Variants in MACROD2 observed in about 807,000 individuals in gnomAD.
MACROD2 encodes mono-ADP ribosylhydrolase 2, also known as ADP-ribose glycohydrolase MACROD2.
MACROD2 carries 36 observed loss-of-function variants against 70.4 expected under a neutral mutation model. That is an observed-to-expected ratio of 0.51 (90% CI 0.39 to 0.68). MACROD2 has a LOEUF of 0.68. Among genes scored for constraint, MACROD2 ranks in the 30% least tolerant of loss-of-function variants. The pLI is 0.00. For synonymous variants in MACROD2, 172 were observed against 178.8 expected (o/e 0.96, Z 0.30); for missense variants, 496 against 538.4 (o/e 0.92, Z 0.78).
At chr20:14,451,826 C>T (rs73612355) in intron 3 of MACROD2, among the ~76,000 whole-genome samples, 20,258 of 152,190 alleles carry the variant, frequency 0.13, 1,593 homozygotes, top group East Asian at 0.31. Context: ...CTTTTTAAGA[C>T]TGTCCATTTT....
intron 8 of MACROD2, among the ~76,000 whole-genome samples, chr20:15,681,155 C>T (rs537745112): frequency 6.6e-6 from 1 of 152,286 alleles, no homozygotes; most frequent in East Asian, 1.9e-4. Flanking sequence ...TTGTACTCTA[C>T]GTTTAAAGCT....
In MACROD2 at chr20:14,600,327, C is replaced by CATATATATATATATATATATAT. The variant is rs769273379; in HGVS notation, c.302-84499_302-84498insTATATATATATATATATATATA. Reference sequence around the variant, plus strand: ...GTAAAAAGTATGTAATATGCAGCTACATATATATATATATATACACACACA... The same window carrying CATATATATATATATATATATAT: ...GTAAAAAGTATGTAATATGCAGCTACATATATATATATATATATATATATATATATATATATATACACACACA... On this transcript the variant is annotated intron_variant, in intron 4 of 17. Coordinates refer to ENST00000684519, the MANE Select transcript of MACROD2 (RefSeq NM_001351661.2). Among the ~76,000 whole-genome samples, 362 of 128,222 alleles carry CATATATATATATATATATATAT rather than the reference C, an allele frequency of 2.8e-3. 1 individual carries two copies. The highest frequency in any genetic ancestry group is 0.016 in the South Asian group (52 of 3,270). The allele number at this position is 128,222 out of a possible 152,430, so 84.1% of individuals were successfully genotyped here.
chr20:15,343,292 A>C (rs117825536), intron 6 of MACROD2, among the ~76,000 whole-genome samples: 2,136 of 152,318 alleles, frequency 0.014, 20 homozygotes, highest in Middle Eastern at 0.027. Flanking sequence ...TTTTCTAACC[A>C]AAGGAAACCA....
intron 5 of MACROD2, among the ~76,000 whole-genome samples, chr20:14,767,856 T>C (rs1278075666): frequency 6.6e-6 from 1 of 151,994 alleles, no homozygotes; most frequent in Non-Finnish European, 1.5e-5. Flanking sequence ...TGTTCTATTG[T>C]TCAACTCCCA....
At chr20:14,068,371 C>T (rs1457365101) in intron 2 of MACROD2, among the ~76,000 whole-genome samples, 3 of 151,848 alleles carry the variant, frequency 2.0e-5, no homozygotes, top group Admixed American at 1.3e-4. Context: ...GTAAGCTCAC[C>T]TGAGCAGGAG....
chr20:14,272,167 A>G (rs2082202090), intron 3 of MACROD2, among the ~76,000 whole-genome samples: 1 of 152,186 alleles, frequency 6.6e-6, no homozygotes, highest in African/African-American at 2.4e-5. Context: ...CTCCTCGAGA[A>G]GAGCAACTCC....
intron 3 of MACROD2, among the ~76,000 whole-genome samples, chr20:14,372,651 C>G (rs1270060838): frequency 6.6e-6 from 1 of 152,148 alleles, no homozygotes; most frequent in Non-Finnish European, 1.5e-5. Flanking sequence ...TCTCAGCCTT[C>G]CATCTCCCCA....
intron 5 of MACROD2, among the ~76,000 whole-genome samples, chr20:14,838,118 T>C (rs1600713356): frequency 6.6e-6 from 1 of 152,056 alleles, no homozygotes; most frequent in East Asian, 1.9e-4. Flanking sequence ...AAGGCAAATA[T>C]CTTGTTTGAG....
At chr20:14,215,546 C>G (rs2081614034) in intron 3 of MACROD2, among the ~76,000 whole-genome samples, 1 of 152,084 alleles carries the variant, frequency 6.6e-6, no homozygotes, top group Non-Finnish European at 1.5e-5. Context: ...ATTGCTGGAT[C>G]AAATGGTAGT....
At chr20:15,781,716 C>T (rs555215037) in intron 8 of MACROD2, among the ~76,000 whole-genome samples, 2 of 152,078 alleles carry the variant, frequency 1.3e-5, no homozygotes, top group African/African-American at 4.8e-5. Context: ...TAATTTTCAA[C>T]GTCTGAATTT....
At chr20:14,124,054 C>T (rs1472849760) in intron 3 of MACROD2, among the ~76,000 whole-genome samples, 3 of 151,742 alleles carry the variant, frequency 2.0e-5, no homozygotes, top group African/African-American at 7.3e-5. Context: ...TTCTCTTGAA[C>T]TATGTTTTCT....
chr20:15,190,723 A>AG lies in MACROD2; in HGVS notation c.419-39213dup, dbSNP rs1304256449. Among the ~76,000 whole-genome samples, 3 of 152,146 alleles carry AG rather than the reference A, an allele frequency of 2.0e-5. No homozygotes were observed. In the East Asian group the frequency reaches 5.8e-4, roughly 29 times the overall value. On this transcript the variant is annotated intron_variant, in intron 5 of 17. Transcript: ENST00000684519. ...GCCCAGTCAGCAGGCAAAAGGAGTGAGGGGAAAGGGTGCACAGGAGGCCTT... is the reference window on the plus strand; with the variant it reads ...GCCCAGTCAGCAGGCAAAAGGAGTGAGGGGGAAAGGGTGCACAGGAGGCCTT...
intron 3 of MACROD2, among the ~76,000 whole-genome samples, chr20:14,090,889 C>T (rs1167419289): frequency 6.6e-6 from 1 of 152,164 alleles, no homozygotes; most frequent in Non-Finnish European, 1.5e-5. Context: ...TCTCTTTTCT[C>T]TGCATCCTCA....
In MACROD2 at chr20:15,334,703, T is replaced by C. The variant is rs139566359; in HGVS notation, c.541-96702T>C. On this transcript the variant is annotated intron_variant, in intron 6 of 17. Coordinates refer to ENST00000684519, the MANE Select transcript of MACROD2 (RefSeq NM_001351661.2). ...CACCATGGAAAGTCTCATATATACA[T>C]ATCTATATTTATTTACAAATAGATA... 2.0e-4 allele frequency among the ~76,000 whole-genome samples: 31 copies of C among 151,838 alleles called. 2 individuals carry two copies. The highest frequency in any genetic ancestry group is 6.8e-4 in the African/African-American group (28 of 41,134).
At chr20:14,983,032 G>A (rs2074815839) in intron 5 of MACROD2, among the ~76,000 whole-genome samples, 2 of 152,308 alleles carry the variant, frequency 1.3e-5, no homozygotes, top group South Asian at 4.1e-4. Context: ...CAGACTATGG[G>A]AACCCACCTC....
intron 3 of MACROD2, among the ~76,000 whole-genome samples, chr20:14,170,232 A>G (rs1404222435): frequency 6.6e-6 from 1 of 152,144 alleles, no homozygotes; most frequent in Non-Finnish European, 1.5e-5. Flanking sequence ...TATCAGTTCT[A>G]GGAGCTTTTT....
intron 3 of MACROD2, among the ~76,000 whole-genome samples, chr20:14,145,127 A>G (rs753412041): frequency 1.3e-5 from 2 of 152,192 alleles, no homozygotes; most frequent in Non-Finnish European, 2.9e-5. Context: ...ATGAATTACT[A>G]TATACCTCTA....
chr20:15,046,985 T>C (rs1168493506), intron 5 of MACROD2, among the ~76,000 whole-genome samples: 2 of 152,234 alleles, frequency 1.3e-5, no homozygotes, highest in Non-Finnish European at 2.9e-5. Flanking sequence ...AAGTAGAACA[T>C]ATTTCTTTAT....
chr20:16,035,972 G>A (rs986101177), intron 15 of MACROD2, among the ~76,000 whole-genome samples: 3 of 152,002 alleles, frequency 2.0e-5, no homozygotes, highest in Admixed American at 6.6e-5. Flanking sequence ...CATCAAGAGA[G>A]AGTGAAGTAG....
Sources: allele counts gnomAD v4.1 joint callset (sites outside exome capture counted in the v4.1 genomes callset), GRCh38; gene constraint gnomAD v4.1.1; transcripts MANE v1.5; gene names NCBI Gene and HGNC (gene_info 2026-07-23, HGNC 2026-07-21).